The following A4GALT variants were observed in gnomAD, a reference collection of about 807,000 sequenced individuals.
A4GALT encodes the protein lactosylceramide 4-alpha-galactosyltransferase.
For missense variants in A4GALT, 512 were observed against 486.0 expected (o/e 1.05, Z -0.50); for synonymous variants, 257 against 220.7 (o/e 1.16, Z -1.46).
At chr22:42,703,962 C>T (rs1430614176) in intron 1 of A4GALT, among the ~76,000 whole-genome samples, 2 of 152,134 alleles carry the variant, frequency 1.3e-5, no homozygotes, top group African/African-American at 4.8e-5. Context: ...CCTCCCTGGG[C>T]CTTCACTGCT....
rs370246921 is a variant in A4GALT at position 42,693,624 on chromosome 22, C to T, written c.328G>A (p.Val110Met). The stretch of plus-strand genomic sequence containing the variant: ...GGAAGCCCTTTCATCAGGACCAGCA[C>T]GTGGGATTCGGGGTGAGTTCTGGCG... ...SAARTHPESHVLVLMKGLPGG... is the reference protein window; with the variant it reads ...SAARTHPESHMLVLMKGLPGG... Residue 110 changes from valine to methionine, a missense_variant, in exon 3 of 3, where the codon GTG (valine) becomes ATG (methionine). Coordinates refer to ENST00000642412, the MANE Select transcript of A4GALT (RefSeq NM_017436.7). 14 of 1,613,038 alleles carry T rather than the reference C, an allele frequency of 8.7e-6. No individual in the cohort carries two copies. Among genetic ancestry groups the T allele is most frequent in the Middle Eastern group, 1.6e-4 (1 of 6,084 alleles).
At chr22:42,707,426 C>G (rs1921247215) in intron 1 of A4GALT, among the ~76,000 whole-genome samples, 1 of 152,002 alleles carries the variant, frequency 6.6e-6, no homozygotes. Context: ...GAGGCCGAGG[C>G]AGTCGGATCA....
intron 1 of A4GALT, among the ~76,000 whole-genome samples, chr22:42,702,867 G>C (rs144477713): frequency 1.4e-5 from 2 of 144,110 alleles, no homozygotes; most frequent in East Asian, 3.9e-4. Flanking sequence ...GGTTGTCTTA[G>C]CTCAGCCTGA....
At chr22:42,696,454 A>C in intron 1 of A4GALT, among the ~76,000 whole-genome samples, 1 of 151,750 alleles carries the variant, frequency 6.6e-6, no homozygotes, top group African/African-American at 2.4e-5. Flanking sequence ...AAAAAAGGAA[A>C]CAGACAAAGA....
Position 42,693,159 on chromosome 22 carries a change from G to C in A4GALT, c.793C>G (p.Arg265Gly). ...TRVFKKWCSI[R>G]SLAESRACRG... is the part of the protein sequence containing the mutation. ...CAGGCGCGGCTCTCGGCCAGGCTGC[G>C]GATGGAACACCACTTCTTGAAGACC... Residue 265 changes from arginine (R) to glycine (G), a missense_variant, in exon 3 of 3, where the codon CGC becomes GGC. Arg to Gly is a moderately radical substitution (Grantham distance 125, BLOSUM62 -2). Coordinates refer to ENST00000642412, the MANE Select transcript of A4GALT (RefSeq NM_017436.7). The C allele has an allele frequency of 6.3e-7, 1 of 1,597,672 alleles. No homozygotes were observed. Among genetic ancestry groups the C allele is most frequent in the Non-Finnish European group, 8.5e-7 (1 of 1,173,332 alleles).
At chr22:42,698,234 G>A (rs1376534111) in intron 1 of A4GALT, among the ~76,000 whole-genome samples, 5 of 124,864 alleles carry the variant, frequency 4.0e-5, no homozygotes, top group Admixed American at 8.5e-5. Flanking sequence ...GCAATAGAGC[G>A]AGACTCCGTC....
intron 1 of A4GALT, among the ~76,000 whole-genome samples, chr22:42,708,090 C>A: frequency 6.7e-6 from 1 of 149,748 alleles, no homozygotes; most frequent in Non-Finnish European, 1.5e-5. Flanking sequence ...CCCATCTCTA[C>A]TAAAAATACA....
intron 1 of A4GALT, among the ~76,000 whole-genome samples, chr22:42,703,629 CG>C (rs1920944736): frequency 6.6e-6 from 1 of 152,090 alleles, no homozygotes. Context: ...GCAGTGATGT[CG>C]GGAAGATGAC....
rs779714575 is a variant in A4GALT at position 42,693,217 on chromosome 22, G to A, written c.735C>T (p.Ile245=). The A allele has an allele frequency of 1.9e-6, 3 of 1,606,744 alleles. No homozygotes were observed. The highest frequency in any genetic ancestry group is 2.7e-5 in the African/African-American group (2 of 74,866). The part of the protein sequence containing the change: ...RDFVDHYNGW[I]WGHQGPQLLT... ...GCAGCTGCGGGCCCTGGTGACCCCA[G>A]ATCCAGCCGTTGTAGTGGTCCACGA... Residue 245 remains isoleucine (I), a synonymous_variant, in exon 3 of 3, where the codon ATC becomes ATT. Transcript: ENST00000642412.
chr22:42,716,052 G>T (rs1211541023), intron 1 of A4GALT, among the ~76,000 whole-genome samples: 1 of 151,820 alleles, frequency 6.6e-6, no homozygotes, highest in African/African-American at 2.4e-5. Context: ...GGCTGGTCTC[G>T]AACTCCCGAC....
chr22:42,693,131 C>T lies in A4GALT; in HGVS notation c.821G>A (p.Arg274His), dbSNP rs748424520. ...IRSLAESRAC[R>H]GVTTLPPEAF... ...CTCAGGGGGCAGGGTGGTGACGCCGCGGCAGGCGCGGCTCTCGGCCAGGCT... is the reference window on the plus strand; with the variant it reads ...CTCAGGGGGCAGGGTGGTGACGCCGTGGCAGGCGCGGCTCTCGGCCAGGCT... The change falls in exon 3 of 3, where the codon CGC becomes CAC. Residue 274 changes from arginine to histidine, a missense_variant. By Grantham distance (29) the Arg-to-His change is conservative. Coordinates refer to ENST00000642412, the MANE Select transcript of A4GALT (RefSeq NM_017436.7). 1.6e-5 allele frequency: 26 copies of T among 1,605,268 alleles called. No homozygotes were observed. Among genetic ancestry groups the T allele is most frequent in the Admixed American group, 3.5e-5 (2 of 57,962 alleles).
rs557643309 is a variant in A4GALT, at chr22:42,705,969, G to A, written c.-187-10338C>T. On this transcript the variant is annotated intron_variant, in intron 1 of 2. Transcript: ENST00000642412. ...CTCGGGAGGCTGAGGCAGGAGAATC[G>A]CTTGAACCTGGGAAGTGGAGGTTGC... Among the ~76,000 whole-genome samples the A allele has an allele frequency of 9.6e-5, 11 of 114,376 alleles. 4 individuals carry two copies. Among genetic ancestry groups the A allele is most frequent in the East Asian group, 4.6e-4 (2 of 4,310 alleles). 75.0% of individuals were successfully genotyped at this position (114,376 alleles called of 152,430 possible). A position where few individuals can be genotyped will look rare whatever the true frequency, so the allele number is the denominator to read the frequency against.
At chr22:42,719,513 CCTTT>C (rs66781836) in intron 1 of A4GALT, among the ~76,000 whole-genome samples, 64,353 of 151,714 alleles carry the variant, frequency 0.42, 15,360 homozygotes, top group East Asian at 0.82. Flanking sequence ...CCTTTCTTTT[CCTTT>C]CTATTTTGTT....
intron 1 of A4GALT, among the ~76,000 whole-genome samples, chr22:42,700,538 T>A (rs905445068): frequency 6.6e-6 from 1 of 152,180 alleles, no homozygotes; most frequent in African/African-American, 2.4e-5. Flanking sequence ...CCTCTCCAGA[T>A]AAGGAGCTGG....
chr22:42,719,712 T>G lies in A4GALT; in HGVS notation c.-188+1085A>C, dbSNP rs12168573. On this transcript the variant is annotated intron_variant, in intron 1 of 2. Transcript: ENST00000642412. ...ACCCTGGGCAGGGTGGCTCCCTCATTCTTTGGGAGGAGGTGACAAAGGGGA... is the reference window on the plus strand; with the variant it reads ...ACCCTGGGCAGGGTGGCTCCCTCATGCTTTGGGAGGAGGTGACAAAGGGGA... Among the ~76,000 whole-genome samples the G allele has an allele frequency of 5.3e-3, 810 of 152,122 alleles. 8 individuals are homozygous for G. Among genetic ancestry groups the G allele is most frequent in the African/African-American group, 0.018 (766 of 41,472 alleles).
Position 42,693,559 on chromosome 22 carries a change from T to TG in A4GALT, c.392dup (p.Leu132ThrfsTer151). The TG allele has an allele frequency of 6.2e-7, 1 of 1,613,174 alleles. No individual in the cohort carries two copies. The highest frequency in any genetic ancestry group is 1.1e-5 in the South Asian group (1 of 91,046). Reference sequence around the variant, plus strand: ...GGACATTCGGGAAGCAGCTCAGAAGTGAGATGCCCAGGTGCCGGGGCAGAG... The same window carrying TG: ...GGACATTCGGGAAGCAGCTCAGAAGTGGAGATGCCCAGGTGCCGGGGCAGAG... On this transcript the variant is annotated frameshift_variant, in exon 3 of 3. Transcript: ENST00000642412. LOFTEE classifies it low-confidence loss of function (END_TRUNC).
chr22:42,692,494 T>G lies in A4GALT; in HGVS notation c.*396A>C, dbSNP rs28915387. 1,703 of 364,578 alleles carry G rather than the reference T, an allele frequency of 4.7e-3. 17 individuals are homozygous for G. The highest frequency in any genetic ancestry group is 0.031 in the African/African-American group (1,459 of 47,112). The allele number at this position is 364,578 out of a possible 1,614,324, so 22.6% of individuals were successfully genotyped here. On this transcript the variant is annotated 3_prime_UTR_variant, in exon 3 of 3. Transcript: ENST00000642412. The surrounding 1 kb of genome is among the most constrained non-coding windows in gnomAD (Gnocchi z 4.6). ...CCCTGCCACTTTCCTACCAACAGCCTCCTCTCCTCTCTGGGAATCTTGTCC... is the reference window on the plus strand; with the variant it reads ...CCCTGCCACTTTCCTACCAACAGCCGCCTCTCCTCTCTGGGAATCTTGTCC...
At chr22:42,712,877 G>A (rs953596809) in intron 1 of A4GALT, among the ~76,000 whole-genome samples, 1 of 152,096 alleles carries the variant, frequency 6.6e-6, no homozygotes, top group Non-Finnish European at 1.5e-5. Flanking sequence ...CAGCCTGGGC[G>A]ACAGAGTGTG....
At chr22:42,700,916 T>C (rs1384722546) in intron 1 of A4GALT, among the ~76,000 whole-genome samples, 3 of 152,140 alleles carry the variant, frequency 2.0e-5, no homozygotes, top group Non-Finnish European at 4.4e-5. Flanking sequence ...CCACTCAGGA[T>C]AGTGTTTAAG....
Sources: allele counts gnomAD v4.1 joint callset (sites outside exome capture counted in the v4.1 genomes callset), GRCh38; gene constraint gnomAD v4.1.1; non-coding constraint Gnocchi (gnomAD v3.1); transcripts MANE v1.5; gene names NCBI Gene and HGNC (gene_info 2026-07-23, HGNC 2026-07-21).